The following ZNF521 variants were observed in gnomAD, a reference collection of about 807,000 sequenced individuals.
ZNF521 encodes LYST-interacting protein 3.
Under a neutral mutation model 105.5 loss-of-function variants are expected in ZNF521, and 14 were observed. The ratio of observed to expected loss-of-function variants is 0.13; its 90% CI spans 0.09 to 0.21. The LOEUF is 0.21. Ranked by LOEUF, ZNF521 falls within the 10% of genes least tolerant of loss-of-function variation. ZNF521 has a pLI of 1.00. For synonymous variants in ZNF521, 635 were observed against 606.0 expected (o/e 1.05, Z -0.70); for missense variants, 1,233 against 1,629.7 (o/e 0.76, Z 4.19).
intron 5 of ZNF521, among the ~76,000 whole-genome samples, chr18:25,094,760 C>T (rs1343751760): frequency 6.6e-6 from 1 of 152,064 alleles, no homozygotes; most frequent in Non-Finnish European, 1.5e-5. Flanking sequence ...TTTAGAGTCC[C>T]TCCTTTTCTC....
chr18:25,224,796 A>G lies in ZNF521; in HGVS notation c.3122T>C (p.Phe1041Ser), dbSNP rs1329345014. 1 of 1,613,776 alleles carries G rather than the reference A, an allele frequency of 6.2e-7. No individual in the cohort carries two copies. Among genetic ancestry groups the G allele is most frequent in the South Asian group, 1.1e-5 (1 of 91,066 alleles). The change falls in exon 4 of 8, where the codon TTC (phenylalanine) becomes TCC (serine). Residue 1041 changes from phenylalanine (F) to serine (S), a missense_variant. Phe to Ser is a radical substitution (Grantham distance 155). Around this residue, in one of 6 missense-constraint regions of ZNF521, gnomAD observed 614 missense variants for 751.5 expected, o/e 0.82. Coordinates refer to ENST00000361524, the MANE Select transcript of ZNF521 (RefSeq NM_015461.3). Reference protein sequence around the residue: ...STLELKIHGTFHMQKTGNGSA... With the variant: ...STLELKIHGTSHMQKTGNGSA... ...CCCATTCCCTGTCTTTTGCATGTGG[A>G]ACGTCCCATGGATTTTGAGTTCCAA... is the stretch of plus-strand genomic sequence containing the variant.
intron 7 of ZNF521, among the ~76,000 whole-genome samples, chr18:25,087,275 A>T (rs977962260): frequency 6.6e-6 from 1 of 152,222 alleles, no homozygotes. Context: ...TATGTTCCAC[A>T]TAGAATAAAA....
intron 7 of ZNF521, among the ~76,000 whole-genome samples, chr18:25,067,953 T>A (rs948204819): frequency 6.6e-6 from 1 of 152,240 alleles, no homozygotes; most frequent in African/African-American, 2.4e-5. Flanking sequence ...ATTTTTACCA[T>A]GACTTGTTTA....
chr18:25,226,812 G>T lies in ZNF521; in HGVS notation c.1106C>A (p.Thr369Asn). ...PDSNLSVDSS[T>N]MVEAAPPIPK... ...GATTGGCGGGGCAGCTTCCACCATG[G>T]TTGAGCTGTCCACTGAGAGGTTGGA... Residue 369 changes from threonine (T) to asparagine (N), a missense_variant, in exon 4 of 8, where the codon ACC (threonine) becomes AAC (asparagine). Physicochemically the swap from Thr to Asn is moderately conservative, Grantham distance 65 (BLOSUM62 0). This residue lies in a region of ZNF521 where 380 missense variants were observed against 478.0 expected (regional missense o/e 0.80). Coordinates refer to ENST00000361524, the MANE Select transcript of ZNF521 (RefSeq NM_015461.3). This position sits in a 1 kb window ranked among gnomAD's most constrained non-coding sequence, Gnocchi z 4.1. The T allele has an allele frequency of 6.2e-7, 1 of 1,614,038 alleles. No homozygotes were observed. Among genetic ancestry groups the T allele is most frequent in the South Asian group, 1.1e-5 (1 of 91,054 alleles).
chr18:25,328,792 T>C (rs960035701), intron 2 of ZNF521, among the ~76,000 whole-genome samples: 2 of 152,148 alleles, frequency 1.3e-5, no homozygotes, highest in African/African-American at 4.8e-5. Context: ...GACCTTGTGA[T>C]CCACCAGCCT....
At chr18:25,295,622 A>G in intron 3 of ZNF521, among the ~76,000 whole-genome samples, 1 of 152,122 alleles carries the variant, frequency 6.6e-6, no homozygotes. Flanking sequence ...AAGTAAAAAA[A>G]AAAAAAGTAA....
chr18:25,063,415 C>T (rs543922347), intron 7 of ZNF521, among the ~76,000 whole-genome samples: 47 of 152,248 alleles, frequency 3.1e-4, no homozygotes, highest in Admixed American at 2.9e-3. Context: ...CCCTTGTCCC[C>T]GGATGCTCTT....
intron 3 of ZNF521, among the ~76,000 whole-genome samples, chr18:25,241,634 C>A (rs1157543505): frequency 6.6e-6 from 1 of 152,024 alleles, no homozygotes; most frequent in Non-Finnish European, 1.5e-5. Flanking sequence ...TTACTCCTAC[C>A]TTCAATTCTT....
At position 25,062,617 on chromosome 18, in the gene ZNF521, T is replaced by C; in HGVS notation, c.*95A>G. 7.0e-7 allele frequency: 1 copy of C among 1,422,786 alleles called. No homozygotes were observed. 88.1% of individuals were successfully genotyped at this position (1,422,786 alleles called of 1,614,324 possible). ...TATGGTACAATACAATGTTTCTGAA[T>C]AATATACATTAACAATGAAAGTTTC... is the stretch of plus-strand genomic sequence containing the variant. On this transcript the variant is annotated 3_prime_UTR_variant, in exon 8 of 8. Transcript: ENST00000361524.
In ZNF521 at chr18:25,342,717, C is replaced by G. The variant is rs1211949779; in HGVS notation, c.40+8190G>C. ...TGCTGGGATTACAGGCGTGAGCCAC[C>G]GCGCCTGGCCTTCTTTTTCTTAATG... is the stretch of plus-strand genomic sequence containing the variant. On this transcript the variant is annotated intron_variant, in intron 2 of 7. Coordinates refer to ENST00000361524, the MANE Select transcript of ZNF521 (RefSeq NM_015461.3). Among the ~76,000 whole-genome samples, 3 of 152,134 alleles carry G rather than the reference C, an allele frequency of 2.0e-5. No homozygotes were observed. The East Asian group carries it at 5.8e-4, about 29-fold the overall frequency.
In ZNF521 at chr18:25,062,606, A is replaced by G; in HGVS notation, c.*106T>C. The stretch of plus-strand genomic sequence containing the variant: ...AATACAAGTTTTATGGTACAATACA[A>G]TGTTTCTGAATAATATACATTAACA... On this transcript the variant is annotated 3_prime_UTR_variant, in exon 8 of 8. Transcript: ENST00000361524. 1 of 1,403,778 alleles carries G rather than the reference A, an allele frequency of 7.1e-7. No homozygotes were observed. The highest frequency in any genetic ancestry group is 9.8e-7 in the Non-Finnish European group (1 of 1,017,308). 87.0% of individuals were successfully genotyped at this position (1,403,778 alleles called of 1,614,324 possible).
chr18:25,071,993 G>A (rs1042475215), intron 7 of ZNF521, among the ~76,000 whole-genome samples: 1 of 152,214 alleles, frequency 6.6e-6, no homozygotes, highest in African/African-American at 2.4e-5. Flanking sequence ...GCAGGGGGCA[G>A]AGGGCAGAGG....
chr18:25,246,261 T>C (rs530767618), intron 3 of ZNF521, among the ~76,000 whole-genome samples: 7 of 152,320 alleles, frequency 4.6e-5, no homozygotes, highest in African/African-American at 1.2e-4. Context: ...GAAAGTCTTA[T>C]GATCTTTATG....
intron 5 of ZNF521, among the ~76,000 whole-genome samples, chr18:25,117,786 T>C (rs2034357684): frequency 6.6e-6 from 1 of 152,028 alleles, no homozygotes; most frequent in Non-Finnish European, 1.5e-5. Context: ...TGGGTAACTG[T>C]AGTTTTAATG....
intron 2 of ZNF521, among the ~76,000 whole-genome samples, chr18:25,343,710 A>G (rs1186627168): frequency 6.6e-6 from 1 of 152,176 alleles, no homozygotes; most frequent in African/African-American, 2.4e-5. Flanking sequence ...ACACATACAC[A>G]CATAAAAATG....
intron 4 of ZNF521, among the ~76,000 whole-genome samples, chr18:25,199,418 T>A (rs963848724): frequency 5.3e-5 from 8 of 152,040 alleles, no homozygotes; most frequent in African/African-American, 1.9e-4. Flanking sequence ...TTGAGAATAA[T>A]TTAGATATCA....
chr18:25,156,317 G>GC (rs1382021226), intron 5 of ZNF521, among the ~76,000 whole-genome samples: 1 of 152,134 alleles, frequency 6.6e-6, no homozygotes, highest in Non-Finnish European at 1.5e-5. Flanking sequence ...GTTCCCATCA[G>GC]CATCCATTTC....
chr18:25,349,738 G>T (rs1914632187), intron 2 of ZNF521, among the ~76,000 whole-genome samples: 1 of 151,126 alleles, frequency 6.6e-6, no homozygotes, highest in Non-Finnish European at 1.5e-5. Flanking sequence ...TGCGCCGCCG[G>T]GGACCAGAGG....
intron 7 of ZNF521, among the ~76,000 whole-genome samples, chr18:25,088,246 C>T (rs1023653401): frequency 2.0e-5 from 3 of 151,092 alleles, no homozygotes; most frequent in African/African-American, 7.3e-5. Flanking sequence ...GACAGAGTCT[C>T]GCTCTGTTGC....
Sources: allele counts gnomAD v4.1 joint callset (sites outside exome capture counted in the v4.1 genomes callset), GRCh38; gene constraint gnomAD v4.1.1; regional missense constraint gnomAD v4.1.1; non-coding constraint Gnocchi (gnomAD v3.1); transcripts MANE v1.5; gene names NCBI Gene and HGNC (gene_info 2026-07-23, HGNC 2026-07-21).